INPP4B: variants seen among roughly 807,000 people sequenced by gnomAD.
INPP4B encodes inositol polyphosphate-4-phosphatase type II B.
INPP4B carries 55 observed loss-of-function variants against 122.5 expected under a neutral mutation model. That is an observed-to-expected ratio of 0.45 (90% confidence interval 0.36 to 0.56). The LOEUF (loss-of-function observed/expected upper bound fraction) is 0.56. INPP4B is among the 20% of genes least tolerant of loss of function. The pLI is 0.00. For synonymous variants in INPP4B, 403 were observed against 388.7 expected (o/e 1.04, Z -0.43); for missense variants, 1,000 against 1,097.7 (o/e 0.91, Z 1.26).
intron 18 of INPP4B, 69 bp downstream of exon 18, chr4:142,145,771 C>T (rs1444909875): frequency 6.9e-7 from 1 of 1,452,530 alleles, no homozygotes; most frequent in Non-Finnish European, 9.6e-7. Flanking sequence ...TCTTCTATAT[C>T]ATTTTTTTTT....
At chr4:142,594,608 A>G (rs914165617) in intron 2 of INPP4B, among the ~76,000 whole-genome samples, 1 of 152,180 alleles carries the variant, frequency 6.6e-6, no homozygotes, top group Non-Finnish European at 1.5e-5. Context: ...CTCATTGATT[A>G]GCTACATGTA....
chr4:142,237,836 A>G (rs1398706906), intron 12 of INPP4B, 28 bp downstream of exon 12: 2 of 1,341,152 alleles, frequency 1.5e-6, no homozygotes, highest in African/African-American at 1.5e-5. Flanking sequence ...AATAATTAAT[A>G]TGAGAGAAAA....
intron 2 of INPP4B, among the ~76,000 whole-genome samples, chr4:142,582,402 G>A (rs1735298531): frequency 1.3e-5 from 2 of 152,026 alleles, no homozygotes; most frequent in Non-Finnish European, 2.9e-5. Flanking sequence ...TGTTCAAGTG[G>A]GTGGTAAAAA....
chr4:142,065,107 T>A (rs978831429), intron 25 of INPP4B, among the ~76,000 whole-genome samples: 2 of 152,170 alleles, frequency 1.3e-5, no homozygotes, highest in Non-Finnish European at 1.5e-5. Flanking sequence ...CACCCTGCCA[T>A]GTTTCAAAAA....
At chr4:142,792,544 T>C (rs1371897301) in intron 1 of INPP4B, among the ~76,000 whole-genome samples, 2 of 152,098 alleles carry the variant, frequency 1.3e-5, no homozygotes, top group Non-Finnish European at 2.9e-5. Context: ...CCAAGGTCTT[T>C]TTCTTAGCTT....
chr4:142,489,634 T>C (rs1170096982), intron 2 of INPP4B, among the ~76,000 whole-genome samples: 1 of 152,168 alleles, frequency 6.6e-6, no homozygotes, highest in East Asian at 1.9e-4. Context: ...TCTCAAGTGA[T>C]CTGCCTGCCT....
At chr4:142,166,090 A>G (rs1822578590) in intron 16 of INPP4B, among the ~76,000 whole-genome samples, 1 of 151,714 alleles carries the variant, frequency 6.6e-6, no homozygotes, top group African/African-American at 2.4e-5. Flanking sequence ...AGTTCTAAGA[A>G]TGCATTATTA....
At chr4:142,170,059 T>C (rs1218044445) in intron 16 of INPP4B, among the ~76,000 whole-genome samples, 1 of 151,672 alleles carries the variant, frequency 6.6e-6, no homozygotes, top group Non-Finnish European at 1.5e-5. Flanking sequence ...TTTTTTTCCT[T>C]CATAGAATTG....
At chr4:142,042,516 G>GTGTGTGTGTGTATGTA (rs1297140777) in intron 25 of INPP4B, among the ~76,000 whole-genome samples, 26 of 48,196 alleles carry the variant, frequency 5.4e-4, no homozygotes, top group African/African-American at 1.0e-3. Flanking sequence ...TTATGTGTGT[G>GTGTGTGTGTGTATGTA]TGTATGTATG....
intron 18 of INPP4B, among the ~76,000 whole-genome samples, chr4:142,128,684 T>C (rs1198277046): frequency 6.6e-6 from 1 of 152,136 alleles, no homozygotes; most frequent in African/African-American, 2.4e-5. Flanking sequence ...TTGGGAGCCA[T>C]CCAAGCACAG....
intron 1 of INPP4B, among the ~76,000 whole-genome samples, chr4:142,744,228 T>C (rs1280531107): frequency 2.0e-5 from 3 of 151,378 alleles, no homozygotes. Context: ...AGTAGAAGAG[T>C]CAGTGAGGTG....
intron 2 of INPP4B, among the ~76,000 whole-genome samples, chr4:142,665,551 AAAT>A (rs1191189078): frequency 1.3e-5 from 2 of 151,986 alleles, no homozygotes; most frequent in African/African-American, 4.8e-5. Context: ...TATTCCAAAG[AAAT>A]AATGATTGAT....
intron 2 of INPP4B, among the ~76,000 whole-genome samples, chr4:142,628,209 C>T (rs1288001343): frequency 6.7e-6 from 1 of 148,968 alleles, no homozygotes; most frequent in Non-Finnish European, 1.5e-5. Context: ...GGCACATATA[C>T]ACCATGGAAT....
chr4:142,640,796 A>G (rs1750221220), intron 2 of INPP4B, among the ~76,000 whole-genome samples: 1 of 152,098 alleles, frequency 6.6e-6, no homozygotes, highest in African/African-American at 2.4e-5. Context: ...AAAGATAGCC[A>G]AATTGTCAAT....
At chr4:142,629,713 G>T (rs936322567) in intron 2 of INPP4B, among the ~76,000 whole-genome samples, 1 of 152,088 alleles carries the variant, frequency 6.6e-6, no homozygotes, top group Non-Finnish European at 1.5e-5. Context: ...GGTGTGAGGG[G>T]GCAATAGTAA....
intron 1 of INPP4B, among the ~76,000 whole-genome samples, chr4:142,790,258 G>A (rs1166041402): frequency 3.3e-5 from 5 of 151,566 alleles, no homozygotes; most frequent in Non-Finnish European, 7.4e-5. Context: ...AAAAGGAACC[G>A]TCAGCAGAGT....
At chr4:142,199,624 G>C (rs760459166) in intron 14 of INPP4B, among the ~76,000 whole-genome samples, 5 of 152,068 alleles carry the variant, frequency 3.3e-5, no homozygotes, top group South Asian at 2.1e-4. Context: ...GTCTTCTCAA[G>C]CTCCTCCGAT....
At chr4:142,836,072 C>T (rs1045516651) in intron 1 of INPP4B, among the ~76,000 whole-genome samples, 2 of 151,940 alleles carry the variant, frequency 1.3e-5, no homozygotes, top group African/African-American at 4.8e-5. Context: ...ATGAAAAGTC[C>T]CCAAAAATCA....
intron 7 of INPP4B, among the ~76,000 whole-genome samples, chr4:142,385,372 T>A (rs1212591391): frequency 5.4e-4 from 79 of 145,332 alleles, no homozygotes; most frequent in Non-Finnish European, 1.0e-3. Context: ...TACTGAACCT[T>A]AAAAAAAAAA....
Sources: allele counts gnomAD v4.1 joint callset (sites outside exome capture counted in the v4.1 genomes callset), GRCh38; gene constraint gnomAD v4.1.1; transcripts MANE v1.5; gene names NCBI Gene and HGNC (gene_info 2026-07-23, HGNC 2026-07-21).